The following DENND2B variants were observed in gnomAD, a reference collection of about 807,000 sequenced individuals.
DENND2B encodes the protein DENN domain-containing protein 2B.
A neutral mutation model predicts 116.0 loss-of-function variants in DENND2B; 32 were observed. That is an observed-to-expected ratio of 0.28 (90% CI 0.21 to 0.37). DENND2B has a LOEUF of 0.37. Among genes scored for constraint, DENND2B ranks in the 10% least tolerant of loss-of-function variants. The pLI, the probability that DENND2B is intolerant of heterozygous loss-of-function variation, is 1.00. For synonymous variants in DENND2B, 588 were observed against 583.9 expected (o/e 1.01, Z -0.10); for missense variants, 1,276 against 1,477.7 (o/e 0.86, Z 2.24).
At chr11:8,698,498 AC>A (rs1218813074) in intron 16 of DENND2B, among the ~76,000 whole-genome samples, 1 of 152,212 alleles carries the variant, frequency 6.6e-6, no homozygotes, top group African/African-American at 2.4e-5. Context: ...TCCACGACTA[AC>A]AAAGGCTTTT....
At chr11:8,737,480 C>T (rs72858253) in intron 2 of DENND2B, among the ~76,000 whole-genome samples, 1,947 of 151,858 alleles carry the variant, frequency 0.013, 25 homozygotes, top group Non-Finnish European at 0.022. Flanking sequence ...TGTGACCTGA[C>T]GAAGAGAGGT....
At chr11:8,711,952 C>G (rs775918800) in intron 9 of DENND2B, 30 of 455,808 alleles carry the variant, frequency 6.6e-5, no homozygotes, top group Non-Finnish European at 1.2e-4. Context: ...TCTGGACAGA[C>G]CTCCTGAAAG....
Position 8,730,976 on chromosome 11 carries a change from C to T in DENND2B, c.314G>A (p.Ser105Asn), listed in dbSNP as rs2048037008. Reference protein sequence around the residue: ...KTASFGYLDRSPSACKRDAQK... With the variant: ...KTASFGYLDRNPSACKRDAQK... ...GGCGTCTCTCTTGCACGCCGAAGGG[C>T]TTCTGTCCAAATAACCGAAGCTGGC... The change falls in exon 3 of 20, where the codon AGC becomes AAC. Residue 105 changes from serine (S) to asparagine (N), a missense_variant. By Grantham distance (46) the Ser-to-Asn change is conservative (BLOSUM62 1). Transcript: ENST00000313726. This position sits in a 1 kb window ranked among gnomAD's most constrained non-coding sequence, Gnocchi z 4.1. 1 of 1,614,104 alleles carries T rather than the reference C, an allele frequency of 6.2e-7. No homozygotes were observed.
At chr11:8,835,920 C>T (rs900455611) in intron 4 of DENND2B, among the ~76,000 whole-genome samples, 3 of 152,074 alleles carry the variant, frequency 2.0e-5, no homozygotes, top group Non-Finnish European at 4.4e-5. Context: ...GGCTGAGTAC[C>T]GATCTATCTA....
At chr11:8,743,523 C>T (rs2050633241) in intron 2 of DENND2B, among the ~76,000 whole-genome samples, 1 of 152,024 alleles carries the variant, frequency 6.6e-6, no homozygotes, top group Non-Finnish European at 1.5e-5. Flanking sequence ...GCACTCCAGC[C>T]TGGGTGACAG....
rs200801002 is a variant in DENND2B, at chr11:8,730,030, A to G, written c.1260T>C (p.Pro420=). The change falls in exon 3 of 20, where the codon CCT becomes CCC. Residue 420 remains proline (P), a synonymous_variant. Transcript: ENST00000313726. The surrounding 1 kb of genome is among the most constrained non-coding windows in gnomAD (Gnocchi z 4.1). The part of the protein sequence containing the change: ...LPPSPTPAAP[P]PLPSTPAPPV... ...GCGGGGCTGGGGTGGAGGGCAAGGG[A>G]GGTGGAGCAGCAGGTGTGGGTGAAG... The G allele has an allele frequency of 2.1e-3, 3,349 of 1,613,888 alleles. 36 individuals carry two copies. The highest frequency in any genetic ancestry group is 0.018 in the South Asian group (1,670 of 91,066).
intron 2 of DENND2B, among the ~76,000 whole-genome samples, chr11:8,750,129 C>T (rs1032866451): frequency 6.6e-6 from 1 of 152,128 alleles, no homozygotes; most frequent in East Asian, 1.9e-4. Context: ...TCTGAGAGCT[C>T]GCTATTTGGT....
At chr11:8,812,738 G>C (rs2061435332), upstream of DENND2B, among the ~76,000 whole-genome samples, 1 of 152,178 alleles carries the variant, frequency 6.6e-6, no homozygotes, top group African/African-American at 2.4e-5. Context: ...GGCTGGGACT[G>C]AGCATCGGAA....
chr11:8,698,280 G>C (rs2040819298), intron 16 of DENND2B, among the ~76,000 whole-genome samples: 1 of 152,022 alleles, frequency 6.6e-6, no homozygotes, highest in African/African-American at 2.4e-5. Context: ...GGCACAGTTG[G>C]CTTGGGGCAG....
At chr11:8,748,277 C>T (rs1208480181) in intron 2 of DENND2B, among the ~76,000 whole-genome samples, 1 of 152,146 alleles carries the variant, frequency 6.6e-6, no homozygotes, top group African/African-American at 2.4e-5. Flanking sequence ...ATTGAAAGGT[C>T]AAACTAAGAA....
chr11:8,723,508 G>T (rs4300398), intron 4 of DENND2B, among the ~76,000 whole-genome samples: 136,164 of 152,120 alleles, frequency 0.9, 62,668 homozygotes, highest in Non-Finnish European at 1. Context: ...GGGCAAGTGT[G>T]TCTAGGCCTC....
At chr11:8,811,502 G>C (rs778435251), upstream of DENND2B, 64 of 391,286 alleles carry the variant, frequency 1.6e-4, no homozygotes, top group Non-Finnish European at 2.7e-4. Flanking sequence ...GTCACAGTCG[G>C]TAATAATATT....
chr11:8,880,625 C>A (rs1000249410), intron 2 of DENND2B, among the ~76,000 whole-genome samples: 8 of 152,080 alleles, frequency 5.3e-5, no homozygotes, highest in African/African-American at 1.9e-4. Flanking sequence ...AGGAGGATAG[C>A]TTGAAGCTAG....
chr11:8,774,100 A>G (rs2134203233), intron 1 of DENND2B: 1 of 985,190 alleles, frequency 1.0e-6, no homozygotes, highest in Non-Finnish European at 1.2e-6. Flanking sequence ...ATTGAGTAAG[A>G]TAGTGCATGC....
intron 2 of DENND2B, among the ~76,000 whole-genome samples, chr11:8,748,672 G>C (rs1324119920): frequency 6.6e-6 from 1 of 152,178 alleles, no homozygotes; most frequent in Non-Finnish European, 1.5e-5. Flanking sequence ...AGGAAGAGAA[G>C]ACTTAGAAGG....
intron 2 of DENND2B, among the ~76,000 whole-genome samples, chr11:8,877,884 A>C (rs1208044779): frequency 6.6e-6 from 1 of 152,238 alleles, no homozygotes; most frequent in Non-Finnish European, 1.5e-5. Context: ...AAAAGTAATA[A>C]GTTGTGTAAG....
At chr11:8,859,588 G>T (rs1292340979) in intron 2 of DENND2B, among the ~76,000 whole-genome samples, 2 of 152,214 alleles carry the variant, frequency 1.3e-5, no homozygotes, top group Non-Finnish European at 2.9e-5. Context: ...GATTACAGGC[G>T]TGAGCCACCG....
chr11:8,718,736 GC>G, intron 4 of DENND2B: 14 of 1,097,016 alleles, frequency 1.3e-5, no homozygotes, highest in Non-Finnish European at 1.6e-5. Flanking sequence ...ATCTCTGGCA[GC>G]GGGCATTGTA....
intron 1 of DENND2B, among the ~76,000 whole-genome samples, chr11:8,799,172 TATTAGAGTTCAGTTG>T (rs374431381): frequency 6.6e-6 from 1 of 152,294 alleles, no homozygotes; most frequent in Non-Finnish European, 1.5e-5. Context: ...CCTGGGTACT[TATTAGAGTTCAGTTG>T]ACAAAACCAA....
Sources: gnomAD v4.1 joint callset for allele counts (sites outside exome capture counted in the v4.1 genomes callset) on GRCh38, gnomAD v4.1.1 for gene constraint, Gnocchi (gnomAD v3.1) non-coding constraint, MANE v1.5 for transcripts, NCBI Gene and HGNC (gene_info 2026-07-23, HGNC 2026-07-21) for gene names.